Variants in TRHDE observed in about 807,000 individuals in gnomAD.
TRHDE encodes thyrotropin releasing hormone degrading enzyme, also known as thyrotropin-releasing hormone-degrading ectoenzyme.
TRHDE carries 72 observed loss-of-function variants against 125.7 expected under a neutral mutation model. The observed-to-expected ratio is 0.57, with a 90% confidence interval of 0.47 to 0.70. TRHDE has a LOEUF of 0.70. TRHDE is among the 30% of genes least tolerant of loss of function. The pLI, the probability that TRHDE is intolerant of heterozygous loss-of-function variation, is 0.00. For missense variants in TRHDE, 1,110 were observed against 1,327.1 expected, an observed-to-expected ratio of 0.84 and a Z score of 2.54; for synonymous variants, 509 against 509.1, an observed-to-expected ratio of 1.00 and a Z score of 0.00.
intron 2 of TRHDE, among the ~76,000 whole-genome samples, chr12:72,365,384 G>A (rs985868345): frequency 1.3e-5 from 2 of 152,078 alleles, no homozygotes; most frequent in East Asian, 1.9e-4. Flanking sequence ...CTGCCTGGGA[G>A]AGATGATTCA....
chr12:72,488,345 A>G (rs1480347639), intron 5 of TRHDE, among the ~76,000 whole-genome samples: 1 of 152,070 alleles, frequency 6.6e-6, no homozygotes, highest in African/African-American at 2.4e-5. Context: ...TAACCAAAAG[A>G]AAGCAGGGCT....
At chr12:72,249,889 G>T (rs1039825684) in intron 2 of TRHDE, among the ~76,000 whole-genome samples, 1 of 152,058 alleles carries the variant, frequency 6.6e-6, no homozygotes, top group African/African-American at 2.4e-5. Flanking sequence ...AACTTGCGGT[G>T]ACTCAACATC....
chr12:72,330,682 A>T (rs1005797314), intron 2 of TRHDE, among the ~76,000 whole-genome samples: 1 of 152,212 alleles, frequency 6.6e-6, no homozygotes, highest in South Asian at 2.1e-4. Flanking sequence ...ACAGGGCAGG[A>T]CAGTTTAGTG....
chr12:72,588,643 T>C (rs1367474099), intron 12 of TRHDE, among the ~76,000 whole-genome samples: 1 of 152,118 alleles, frequency 6.6e-6, no homozygotes, highest in East Asian at 1.9e-4. Flanking sequence ...AAGAATATAC[T>C]ATGAGGGAAT....
intron 2 of TRHDE, among the ~76,000 whole-genome samples, chr12:72,295,934 T>C (rs1328152381): frequency 2.6e-5 from 4 of 152,206 alleles, no homozygotes; most frequent in Non-Finnish European, 5.9e-5. Flanking sequence ...TATTTAGGAA[T>C]GTAAGTAGAG....
At chr12:72,548,122 A>C (rs1300400856) in intron 7 of TRHDE, among the ~76,000 whole-genome samples, 1 of 151,736 alleles carries the variant, frequency 6.6e-6, no homozygotes, top group Non-Finnish European at 1.5e-5. Context: ...GTGCAAACCC[A>C]CTTCTATCCT....
At chr12:72,246,065 T>A (rs1878570243) in intron 2 of TRHDE, among the ~76,000 whole-genome samples, 2 of 152,182 alleles carry the variant, frequency 1.3e-5, no homozygotes, top group Admixed American at 6.5e-5. Context: ...CAAACATTCT[T>A]GTGAATATAT....
chr12:72,315,086 GTA>G (rs1868734501), intron 2 of TRHDE, among the ~76,000 whole-genome samples: 1 of 152,122 alleles, frequency 6.6e-6, no homozygotes, highest in African/African-American at 2.4e-5. Context: ...TTTATTCAGA[GTA>G]TTTTAACCCT....
rs543732403 is a variant in TRHDE, at chr12:72,534,712, T to TATTATA, written c.1723-7574_1723-7573insAATTAT. 1.0e-3 allele frequency among the ~76,000 whole-genome samples: 153 copies of TATTATA among 152,250 alleles called. 1 individual carries two copies. Among genetic ancestry groups the TATTATA allele is most frequent in the African/African-American group, 3.6e-3 (150 of 41,552 alleles). ...CTAAGAAAAATTTTGATGGAAATAT[T>TATTATA]ATTATCATTATCATTATTATTAATG... On this transcript the variant is annotated intron_variant, in intron 6 of 18. Coordinates refer to ENST00000261180, the MANE Select transcript of TRHDE (RefSeq NM_013381.3).
chr12:72,359,699 T>C (rs914911962), intron 2 of TRHDE, among the ~76,000 whole-genome samples: 1 of 151,718 alleles, frequency 6.6e-6, no homozygotes, highest in Non-Finnish European at 1.5e-5. Context: ...TAAGATCTAA[T>C]ATTTTGAAGG....
chr12:72,500,406 CTT>C (rs1305666898), intron 6 of TRHDE, among the ~76,000 whole-genome samples: 1 of 150,604 alleles, frequency 6.6e-6, no homozygotes, highest in African/African-American at 2.4e-5. Flanking sequence ...CTTTTTTTTT[CTT>C]TTGAGATGGA....
rs1385353864 is a variant in TRHDE at position 72,532,701 on chromosome 12, T to C, written c.1723-9590T>C. Among the ~76,000 whole-genome samples, 6 of 151,206 alleles carry C rather than the reference T, an allele frequency of 4.0e-5. No homozygotes were observed. In the South Asian group the frequency reaches 1.2e-3, roughly 31 times the overall value. On this transcript the variant is annotated intron_variant, in intron 6 of 18. Transcript: ENST00000261180. ...TTAATGCAATTAATTATAATATGTT[T>C]GCTATTAAACAATTATTAAATTTCT...
chr12:72,312,039 TTATA>T (rs777630047), intron 2 of TRHDE, among the ~76,000 whole-genome samples: 117 of 152,262 alleles, frequency 7.7e-4, no homozygotes, highest in Admixed American at 1.5e-3. Context: ...GCCACATATG[TTATA>T]GACACTTAAA....
chr12:72,586,067 A>AGCT (rs1350325805), intron 12 of TRHDE, among the ~76,000 whole-genome samples: 6 of 152,204 alleles, frequency 3.9e-5, no homozygotes, highest in Non-Finnish European at 8.8e-5. Context: ...TAAAGTAAAG[A>AGCT]GCTGCTCATA....
intron 4 of TRHDE, among the ~76,000 whole-genome samples, chr12:72,470,310 A>G (rs760982102): frequency 1.3e-5 from 2 of 152,176 alleles, no homozygotes; most frequent in African/African-American, 2.4e-5. Context: ...ATGTGTCAAA[A>G]TTTGCTTTGA....
At chr12:72,481,865 A>G (rs1283769335) in intron 5 of TRHDE, among the ~76,000 whole-genome samples, 2 of 152,000 alleles carry the variant, frequency 1.3e-5, no homozygotes, top group Non-Finnish European at 2.9e-5. Context: ...ATACATGGGA[A>G]TGCTTTTCTC....
rs1189252295 is a variant in TRHDE at position 72,273,097 on chromosome 12, T to G, written c.454T>G (p.Trp152Gly). The G allele has an allele frequency of 1.3e-6, 2 of 1,525,504 alleles. No homozygotes were observed. Among genetic ancestry groups the G allele is most frequent in the Non-Finnish European group, 1.8e-6 (2 of 1,138,658 alleles). The allele number at this position is 1,525,504 out of a possible 1,614,324, so 94.5% of individuals were successfully genotyped here. A position where few individuals can be genotyped will look rare whatever the true frequency, so the allele number is the denominator to read the frequency against. Residue 152 changes from tryptophan to glycine, a missense_variant, in exon 1 of 19, where the codon TGG (tryptophan) becomes GGG (glycine). Physicochemically the swap from Trp to Gly is radical, Grantham distance 184. This residue lies in a region of TRHDE where 248 missense variants were observed against 240.8 expected (regional missense o/e 1.03). Transcript: ENST00000261180. The surrounding 1 kb of genome is among the most constrained non-coding windows in gnomAD (Gnocchi z 5.3). Reference protein sequence around the residue: ...RRNHHAGGDSWQPEAGGVASP... With the variant: ...RRNHHAGGDSGQPEAGGVASP... ...CAACCACCACGCAGGCGGGGACTCC[T>G]GGCAGCCCGAGGCGGGTGGGGTGGC...
chr12:72,491,871 C>G (rs1877700183), intron 5 of TRHDE, among the ~76,000 whole-genome samples: 1 of 151,942 alleles, frequency 6.6e-6, no homozygotes, highest in African/African-American at 2.4e-5. Flanking sequence ...ATTTCAGTTA[C>G]TTGTAATGCT....
At chr12:72,660,428 C>T (rs1313970211) in intron 18 of TRHDE, among the ~76,000 whole-genome samples, 1 of 152,038 alleles carries the variant, frequency 6.6e-6, no homozygotes, top group Non-Finnish European at 1.5e-5. Flanking sequence ...AAGGAGACTC[C>T]CTTTTGCAGT....
Sources: gnomAD v4.1 joint callset for allele counts (sites outside exome capture counted in the v4.1 genomes callset) on GRCh38, gnomAD v4.1.1 for gene constraint, gnomAD v4.1.1 regional missense constraint, Gnocchi (gnomAD v3.1) non-coding constraint, MANE v1.5 for transcripts, NCBI Gene and HGNC (gene_info 2026-07-23, HGNC 2026-07-21) for gene names.